Variants in HERC3 observed in about 807,000 individuals in gnomAD.
The protein encoded by HERC3 is HECT and RLD domain containing E3 ubiquitin protein ligase 3.
In HERC3, 58 loss-of-function variants were observed where a neutral mutation model predicts 129.9. The ratio of observed to expected loss-of-function variants is 0.45; its 90% CI spans 0.36 to 0.56. HERC3 has a LOEUF of 0.56. HERC3 is among the 20% of genes least tolerant of loss of function. The probability of loss-of-function intolerance (pLI) is 0.00; values close to 1 mark genes in which losing one functional copy is unlikely to be tolerated. For synonymous variants in HERC3, 430 were observed against 451.0 expected, an observed-to-expected ratio of 0.95 and a Z score of 0.59; for missense variants, 835 against 1,244.2, an observed-to-expected ratio of 0.67 and a Z score of 4.95.
chr4:88,595,887 C>G (rs893537230), intron 2 of HERC3, among the ~76,000 whole-genome samples: 1 of 130,238 alleles, frequency 7.7e-6, no homozygotes, highest in South Asian at 2.4e-4. Context: ...GTCTGGCTGT[C>G]GCCCACGCTG....
intron 1 of HERC3, chr4:88,593,367 G>C (rs1273704358): frequency 6.6e-6 from 1 of 152,380 alleles, no homozygotes; most frequent in Non-Finnish European, 1.5e-5. Context: ...TGAATGTGTG[G>C]AGTGGGCAAA....
chr4:88,525,494 A>G, the HERC3 span, among the ~76,000 whole-genome samples: 2 of 152,216 alleles, frequency 1.3e-5, no homozygotes, highest in Non-Finnish European at 2.9e-5. Flanking sequence ...GAAGGCACCC[A>G]TGCTTAAGCC....
Position 88,663,379 on chromosome 4 carries a change from C to T in HERC3, c.1272-774C>T, listed in dbSNP as rs76159019. Among the ~76,000 whole-genome samples, 1,095 of 152,190 alleles carry T rather than the reference C, an allele frequency of 7.2e-3. 11 individuals carry two copies. Among genetic ancestry groups the T allele is most frequent in the African/African-American group, 0.025 (1,043 of 41,522 alleles). On this transcript the variant is annotated intron_variant, in intron 11 of 25. Transcript: ENST00000402738. Reference sequence around the variant, plus strand: ...TGCCAAGGAGCTCAGGCTGAAGGGTCGCAGGGGAGAGGAGATGAGGGCTTG... The same window carrying T: ...TGCCAAGGAGCTCAGGCTGAAGGGTTGCAGGGGAGAGGAGATGAGGGCTTG...
chr4:88,544,624 GT>G, the HERC3 span, among the ~76,000 whole-genome samples: 23 of 152,210 alleles, frequency 1.5e-4, no homozygotes, highest in Non-Finnish European at 3.1e-4. Context: ...GCACACGTAT[GT>G]TTATTGCGGC....
chr4:88,652,167 TA>T (rs1729361639), intron 5 of HERC3, 79 bp downstream of exon 5: 2 of 1,125,492 alleles, frequency 1.8e-6, no homozygotes. Flanking sequence ...TGATATTATC[TA>T]ACTGAAAACT....
chr4:88,679,819 A>G (rs1732576123), intron 19 of HERC3, among the ~76,000 whole-genome samples: 1 of 152,150 alleles, frequency 6.6e-6, no homozygotes, highest in Non-Finnish European at 1.5e-5. Context: ...CGCCCAGCCA[A>G]TAGATGGTAG....
chr4:88,591,138 C>T (rs1179255487), upstream of HERC3, among the ~76,000 whole-genome samples: 1 of 152,128 alleles, frequency 6.6e-6, no homozygotes, highest in Non-Finnish European at 1.5e-5. Flanking sequence ...AGTGATCCAC[C>T]GGCTTCGGCC....
intron 3 of HERC3, among the ~76,000 whole-genome samples, chr4:88,643,371 T>C (rs1728340900): frequency 6.6e-6 from 1 of 152,352 alleles, no homozygotes; most frequent in African/African-American, 2.4e-5. Context: ...ATTCTTTTTT[T>C]GTAGATATAG....
the HERC3 span, among the ~76,000 whole-genome samples, chr4:88,563,573 T>C: frequency 6.6e-6 from 1 of 152,182 alleles, no homozygotes; most frequent in African/African-American, 2.4e-5. Context: ...ATCCTTATCA[T>C]GTTCTAGATA....
chr4:88,592,606 G>C (rs185525379), intron 1 of HERC3, 32 bp downstream of exon 1: 5 of 152,442 alleles, frequency 3.3e-5, no homozygotes, highest in Admixed American at 2.0e-4. Flanking sequence ...GTTCCAGGGA[G>C]GGGGGTACGG....
At chr4:88,635,584 A>G (rs2149248361) in intron 3 of HERC3, among the ~76,000 whole-genome samples, 1 of 152,308 alleles carries the variant, frequency 6.6e-6, no homozygotes, top group East Asian at 1.9e-4. Context: ...ACACTTCAGG[A>G]TATTATCCAG....
At chr4:88,697,200 C>T (rs747961591) in intron 23 of HERC3, 13 of 1,508,004 alleles carry the variant, frequency 8.6e-6, no homozygotes, top group Admixed American at 4.7e-5. Flanking sequence ...TCCATCTCTG[C>T]CCCCCTTACT....
chr4:88,547,010 G>T, the HERC3 span, among the ~76,000 whole-genome samples: 1 of 152,120 alleles, frequency 6.6e-6, no homozygotes, highest in Non-Finnish European at 1.5e-5. Flanking sequence ...AACAGACACT[G>T]AAGAAGCCAT....
intron 24 of HERC3, 73 bp downstream of exon 24, chr4:88,704,354 C>A: frequency 6.7e-7 from 1 of 1,483,042 alleles, no homozygotes; most frequent in Non-Finnish European, 9.4e-7. Flanking sequence ...GTTCCCAGAG[C>A]CTGGTCTCGT....
the HERC3 span, among the ~76,000 whole-genome samples, chr4:88,542,267 C>A: frequency 9.9e-5 from 15 of 152,234 alleles, no homozygotes; most frequent in Admixed American, 3.9e-4. Context: ...GATATCACCA[C>A]CAATCCCACA....
chr4:88,661,113 G>A (rs557609806), intron 10 of HERC3, among the ~76,000 whole-genome samples: 10 of 152,128 alleles, frequency 6.6e-5, no homozygotes, highest in Non-Finnish European at 8.8e-5. Context: ...TTTATTGTAG[G>A]TTTGTGTTAG....
At chr4:88,620,751 C>G (rs1293614293) in intron 3 of HERC3, among the ~76,000 whole-genome samples, 2 of 152,118 alleles carry the variant, frequency 1.3e-5, no homozygotes, top group Non-Finnish European at 2.9e-5. Flanking sequence ...ATACTCTGTT[C>G]CTCTGGCTTC....
At chr4:88,562,946 T>C in the HERC3 span, among the ~76,000 whole-genome samples, 4 of 152,178 alleles carry the variant, frequency 2.6e-5, no homozygotes, top group African/African-American at 9.6e-5. Flanking sequence ...ATTTCTCCAG[T>C]TTTGTTTCTT....
At chr4:88,564,325 C>T in the HERC3 span, among the ~76,000 whole-genome samples, 1 of 152,152 alleles carries the variant, frequency 6.6e-6, no homozygotes, top group Admixed American at 6.5e-5. Context: ...GAAGTACTCC[C>T]TTCTCTATTT....
Sources: gnomAD v4.1 joint callset for allele counts (sites outside exome capture counted in the v4.1 genomes callset) on GRCh38, gnomAD v4.1.1 for gene constraint, MANE v1.5 for transcripts, NCBI Gene and HGNC (gene_info 2026-07-23, HGNC 2026-07-21) for gene names.